Variants in ATG2B observed in about 807,000 individuals in gnomAD.
The protein encoded by ATG2B is autophagy-related protein 2 homolog B.
A neutral mutation model predicts 241.3 loss-of-function variants in ATG2B; 121 were observed. The ratio of observed to expected loss-of-function variants is 0.50; its 90% CI spans 0.43 to 0.58. The LOEUF (loss-of-function observed/expected upper bound fraction) is 0.58. ATG2B is among the 20% of genes least tolerant of loss of function. The probability of loss-of-function intolerance (pLI) is 0.00; values close to 1 mark genes in which losing one functional copy is unlikely to be tolerated. For missense variants in ATG2B, 2,306 were observed against 2,491.6 expected (o/e 0.93, Z 1.59); for synonymous variants, 858 against 876.6 (o/e 0.98, Z 0.37).
intron 28 of ATG2B, among the ~76,000 whole-genome samples, chr14:96,310,360 C>A (rs1487715624): frequency 6.6e-6 from 1 of 152,066 alleles, no homozygotes; most frequent in Non-Finnish European, 1.5e-5. Flanking sequence ...GCCAGTCAGG[C>A]CTTTACTAGA....
intron 28 of ATG2B, 62 bp from the exon 29 acceptor site, chr14:96,309,656 A>C: frequency 1.4e-6 from 2 of 1,462,916 alleles, no homozygotes; most frequent in Non-Finnish European, 1.9e-6. Flanking sequence ...AACTACTTAC[A>C]TTTATTTTAT....
chr14:96,334,186 AG>A (rs1321064765), intron 7 of ATG2B, among the ~76,000 whole-genome samples: 1 of 152,232 alleles, frequency 6.6e-6, no homozygotes, highest in Non-Finnish European at 1.5e-5. Flanking sequence ...ATTTTAGAAA[AG>A]TTAAGAATGT....
chr14:96,293,829 TGG>T (rs1033744849), intron 36 of ATG2B, among the ~76,000 whole-genome samples: 3 of 152,056 alleles, frequency 2.0e-5, no homozygotes, highest in Non-Finnish European at 4.4e-5. Flanking sequence ...CGTAAATAAA[TGG>T]GTAACCCTAC....
rs1886430242 is a variant in ATG2B, at chr14:96,289,682, C to T, written c.5980G>A (p.Ala1994Thr). 6.2e-7 allele frequency: 1 copy of T among 1,614,196 alleles called. No homozygotes were observed. The highest frequency in any genetic ancestry group is 8.5e-7 in the Non-Finnish European group (1 of 1,180,026). ...HQPVDLREGV[A>T]KAYSVVKEGI... The stretch of plus-strand genomic sequence containing the variant: ...TCTTTCACAACACTGTAGGCCTTGG[C>T]CACACCTTCCCTCAGGTCTACTGGC... The change falls in exon 41 of 42, where the codon GCC (alanine) becomes ACC (threonine). Residue 1994 changes from alanine (A) to threonine (T), a missense_variant. Transcript: ENST00000359933. This position sits in a 1 kb window ranked among gnomAD's most constrained non-coding sequence, Gnocchi z 4.3.
chr14:96,329,983 A>T (rs561232625), intron 11 of ATG2B, among the ~76,000 whole-genome samples: 33 of 151,536 alleles, frequency 2.2e-4, no homozygotes, highest in Non-Finnish European at 3.8e-4. Flanking sequence ...AATGAGGTCT[A>T]CCTATATTTT....
intron 15 of ATG2B, 108 bp from the exon 16 acceptor site, chr14:96,324,106 C>A: frequency 1.4e-6 from 1 of 699,724 alleles, no homozygotes. Context: ...ACCTTAAGTT[C>A]TACAGCATTT....
At position 96,305,820 on chromosome 14, in the gene ATG2B, A is replaced by T. The variant is rs1427203694; in HGVS notation, c.4507-5T>A. The T allele has an allele frequency of 3.1e-6, 5 of 1,610,406 alleles. No homozygotes were observed. Among genetic ancestry groups the T allele is most frequent in the Non-Finnish European group, 4.2e-6 (5 of 1,176,780 alleles). On this transcript the variant is annotated splice_polypyrimidine_tract_variant and splice_region_variant and intron_variant, in intron 30 of 41. Transcript: ENST00000359933. ...AACTGGTTCTTCTTCCTTCTCCTAA[A>T]ATAAACAAACAGGTAACACATACTC...
intron 6 of ATG2B, among the ~76,000 whole-genome samples, chr14:96,340,799 C>A: frequency 6.6e-6 from 1 of 151,750 alleles, no homozygotes; most frequent in Non-Finnish European, 1.5e-5. Context: ...GTGCCTGTAG[C>A]CCCAGCTACT....
intron 14 of ATG2B, among the ~76,000 whole-genome samples, chr14:96,327,249 A>C (rs1329781531): frequency 6.6e-6 from 1 of 151,592 alleles, no homozygotes; most frequent in African/African-American, 2.4e-5. Flanking sequence ...TAATAATAAT[A>C]ATAATAATAA....
chr14:96,295,276 C>A, intron 35 of ATG2B, 109 bp from the exon 36 acceptor site: 1 of 1,096,852 alleles, frequency 9.1e-7, no homozygotes, highest in Non-Finnish European at 1.3e-6. Flanking sequence ...AATCAAAATA[C>A]GATTCTTGTT....
rs772996597 is a variant in ATG2B, at chr14:96,280,668, G to A, written c.*5087C>T. On this transcript the variant is annotated 3_prime_UTR_variant, in exon 42 of 42. Transcript: ENST00000359933. ...TTTTGGAGGCTGAGGTCAAGAGTTC[G>A]AGACCAGGCTGAGGTTAACCTGGCC... 6.6e-6 allele frequency: 1 copy of A among 152,074 alleles called. No individual in the cohort carries two copies. Among genetic ancestry groups the A allele is most frequent in the Non-Finnish European group, 1.5e-5 (1 of 68,022 alleles). 9.4% of individuals were successfully genotyped at this position (152,074 alleles called of 1,614,324 possible).
At chr14:96,339,237 A>G (rs11848771) in intron 6 of ATG2B, among the ~76,000 whole-genome samples, 1,566 of 152,002 alleles carry the variant, frequency 0.01, 35 homozygotes, top group African/African-American at 0.036. Flanking sequence ...TAAAAAACTA[A>G]AAGTAGATCT....
chr14:96,347,047 C>A, intron 2 of ATG2B, 132 bp downstream of exon 2: 1 of 699,140 alleles, frequency 1.4e-6, no homozygotes, highest in Non-Finnish European at 2.1e-6. Flanking sequence ...TACAAAGAGC[C>A]AAGTCGTAAT....
At chr14:96,294,588 A>G (rs545433249) in intron 36 of ATG2B, among the ~76,000 whole-genome samples, 2 of 152,360 alleles carry the variant, frequency 1.3e-5, no homozygotes, top group East Asian at 3.9e-4. Context: ...GGGAAAAGAC[A>G]GACAGGCATA....
intron 32 of ATG2B, among the ~76,000 whole-genome samples, chr14:96,303,880 T>C (rs1886863575): frequency 6.6e-6 from 1 of 152,202 alleles, no homozygotes; most frequent in African/African-American, 2.4e-5. Flanking sequence ...TGCATACCTA[T>C]GAAATTGCTT....
At chr14:96,352,260 CACAA>C (rs1888344822) in intron 1 of ATG2B, among the ~76,000 whole-genome samples, 3 of 152,122 alleles carry the variant, frequency 2.0e-5, no homozygotes, top group Admixed American at 1.3e-4. Context: ...ATAAGTCTAG[CACAA>C]ACAGTTATAC....
chr14:96,312,289 C>G (rs759202453), intron 25 of ATG2B, 130 bp from the exon 26 acceptor site: 2 of 642,548 alleles, frequency 3.1e-6, no homozygotes, highest in African/African-American at 3.9e-5. Flanking sequence ...CAGTTTCTAA[C>G]TTATAACTGT....
intron 34 of ATG2B, among the ~76,000 whole-genome samples, chr14:96,295,934 G>A (rs12432561): frequency 0.24 from 36,732 of 152,180 alleles, 5,643 homozygotes; most frequent in Admixed American, 0.35. Context: ...GCATTGTGGT[G>A]ATATTACCAA....
At chr14:96,330,836 T>G (rs937360435) in intron 11 of ATG2B, among the ~76,000 whole-genome samples, 2 of 152,192 alleles carry the variant, frequency 1.3e-5, no homozygotes, top group Non-Finnish European at 2.9e-5. Flanking sequence ...CTGTTAAGAC[T>G]CAACCCATGA....
Sources: gnomAD v4.1 joint callset for allele counts (sites outside exome capture counted in the v4.1 genomes callset) on GRCh38, gnomAD v4.1.1 for gene constraint, Gnocchi (gnomAD v3.1) non-coding constraint, MANE v1.5 for transcripts, NCBI Gene and HGNC (gene_info 2026-07-23, HGNC 2026-07-21) for gene names.